Variants in RCAN2 observed in about 807,000 individuals in gnomAD.
The protein encoded by RCAN2 is regulator of calcineurin 2, also known as calcipressin-2.
Under a neutral mutation model 23.6 loss-of-function variants are expected in RCAN2, and 9 were observed. The observed-to-expected ratio is 0.38, with a 90% CI of 0.23 to 0.67. RCAN2 has a LOEUF of 0.67. Ranked by LOEUF, RCAN2 falls within the 30% of genes least tolerant of loss-of-function variation. The pLI is 0.51. For missense variants in RCAN2, 273 were observed against 302.3 expected (o/e 0.90, Z 0.72); for synonymous variants, 109 against 115.7 (o/e 0.94, Z 0.37).
intron 4 of RCAN2, among the ~76,000 whole-genome samples, chr6:46,243,793 G>C (rs184134329): frequency 8.8e-4 from 114 of 129,920 alleles, no homozygotes; most frequent in Non-Finnish European, 1.6e-3. Flanking sequence ...CTGGGTGACA[G>C]GGTAAGATTC....
chr6:46,246,889 G>A lies in RCAN2; in HGVS notation c.430C>T (p.Leu144=), dbSNP rs988977173. 5 of 1,597,154 alleles carry A rather than the reference G, an allele frequency of 3.1e-6. No individual in the cohort carries two copies. The highest frequency in any genetic ancestry group is 1.8e-4 in the Middle Eastern group (1 of 5,650). The change falls in exon 4 of 5, where the codon CTG becomes TTG. Residue 144 remains leucine, a synonymous_variant. Transcript: ENST00000371374. The part of the protein sequence containing the change: ...VQTPETDGDK[L]HLAPPQPAKQ... ...GCAGGCTGGGGTGGAGCCAAGTGCA[G>A]TTTGTCTCCATCTGTCTCTGGAGTC... is the stretch of plus-strand genomic sequence containing the variant.
At chr6:46,337,500 TA>T (rs760905159) in intron 2 of RCAN2, among the ~76,000 whole-genome samples, 1 of 152,262 alleles carries the variant, frequency 6.6e-6, no homozygotes, top group Non-Finnish European at 1.5e-5. Flanking sequence ...TAAAGGATTT[TA>T]AAGTGCAAAA....
chr6:46,340,652 TG>T (rs1294690231), intron 2 of RCAN2, among the ~76,000 whole-genome samples: 2 of 152,228 alleles, frequency 1.3e-5, no homozygotes, highest in African/African-American at 4.8e-5. Flanking sequence ...CACATTGTGA[TG>T]GGGTATTACA....
chr6:46,310,320 T>C (rs1464331816), intron 2 of RCAN2, among the ~76,000 whole-genome samples: 1 of 152,158 alleles, frequency 6.6e-6, no homozygotes, highest in African/African-American at 2.4e-5. Flanking sequence ...TATTATGTTG[T>C]GCTCATTCAG....
chr6:46,467,581 A>G (rs1768423160), intron 1 of RCAN2, among the ~76,000 whole-genome samples: 1 of 152,192 alleles, frequency 6.6e-6, no homozygotes, highest in Non-Finnish European at 1.5e-5. Context: ...CAGAAGGAGT[A>G]CAGTGGTTAA....
intron 2 of RCAN2, among the ~76,000 whole-genome samples, chr6:46,281,517 A>T (rs1767916875): frequency 6.6e-6 from 1 of 152,262 alleles, no homozygotes; most frequent in Non-Finnish European, 1.5e-5. Context: ...CTTTAAAACA[A>T]GTGAAAAGGG....
At chr6:46,315,376 G>A (rs1347825276) in intron 2 of RCAN2, among the ~76,000 whole-genome samples, 1 of 152,186 alleles carries the variant, frequency 6.6e-6, no homozygotes, top group African/African-American at 2.4e-5. Flanking sequence ...TGAAAGACAA[G>A]GCAGGATGAG....
At chr6:46,377,512 T>C (rs73453026) in intron 2 of RCAN2, among the ~76,000 whole-genome samples, 4,887 of 152,292 alleles carry the variant, frequency 0.032, 251 homozygotes, top group African/African-American at 0.11. Context: ...TTATTTATCA[T>C]TAACCAATTG....
At chr6:46,486,818 A>G (rs1233835444) in intron 1 of RCAN2, among the ~76,000 whole-genome samples, 1 of 152,200 alleles carries the variant, frequency 6.6e-6, no homozygotes, top group African/African-American at 2.4e-5. Flanking sequence ...TCTGAACTGC[A>G]GGGAGTTTGA....
intron 4 of RCAN2, among the ~76,000 whole-genome samples, chr6:46,241,866 G>A (rs1766317510): frequency 6.6e-6 from 1 of 152,060 alleles, no homozygotes; most frequent in African/African-American, 2.4e-5. Context: ...AACAGTGCCT[G>A]GCACATAGTA....
intron 2 of RCAN2, among the ~76,000 whole-genome samples, chr6:46,285,430 C>T (rs548075823): frequency 6.6e-6 from 1 of 152,120 alleles, no homozygotes; most frequent in Non-Finnish European, 1.5e-5. Context: ...GTAAGAATTA[C>T]CTGGAGAGCT....
intron 2 of RCAN2, among the ~76,000 whole-genome samples, chr6:46,293,883 T>C (rs1267724791): frequency 6.6e-6 from 1 of 152,192 alleles, no homozygotes. Context: ...TGGAGAATAG[T>C]AATTTGAGTA....
At chr6:46,235,707 AT>A in intron 4 of RCAN2, among the ~76,000 whole-genome samples, 1 of 152,190 alleles carries the variant, frequency 6.6e-6, no homozygotes, top group Non-Finnish European at 1.5e-5. Context: ...ATCATTTGTA[AT>A]CAGTCACCAA....
chr6:46,247,365 T>G (rs1280908193), intron 3 of RCAN2, among the ~76,000 whole-genome samples: 1 of 152,228 alleles, frequency 6.6e-6, no homozygotes, highest in Non-Finnish European at 1.5e-5. Context: ...AATTAACCAC[T>G]TGAAAGTGAA....
rs184138761 is a variant in RCAN2 at position 46,228,039 on chromosome 6, A to G, written c.572-4738T>C. On this transcript the variant is annotated intron_variant, in intron 4 of 4. Coordinates refer to ENST00000371374, the MANE Select transcript of RCAN2 (RefSeq NM_001251974.2). ...GCCTTCATTTCCTTATGTACCCAGTAATCATTCAGGAGCAGGTTGATCAGT... is the reference window on the plus strand; with the variant it reads ...GCCTTCATTTCCTTATGTACCCAGTGATCATTCAGGAGCAGGTTGATCAGT... 3.3e-5 allele frequency among the ~76,000 whole-genome samples: 5 copies of G among 152,296 alleles called. No individual in the cohort carries two copies. In the East Asian group the frequency reaches 9.6e-4, roughly 29 times the overall value.
chr6:46,280,505 A>C (rs535574089), intron 2 of RCAN2, among the ~76,000 whole-genome samples: 1 of 152,118 alleles, frequency 6.6e-6, no homozygotes, highest in African/African-American at 2.4e-5. Context: ...ACAAAAGCAC[A>C]CACAGCAAGG....
chr6:46,279,055 T>C (rs1767811130), intron 2 of RCAN2, among the ~76,000 whole-genome samples: 1 of 152,218 alleles, frequency 6.6e-6, no homozygotes, highest in African/African-American at 2.4e-5. Flanking sequence ...GATTCTAATA[T>C]GTAGCCAGGG....
chr6:46,398,341 C>A (rs1766151188), intron 2 of RCAN2, among the ~76,000 whole-genome samples: 1 of 152,062 alleles, frequency 6.6e-6, no homozygotes, highest in South Asian at 2.1e-4. Flanking sequence ...TATATTATAA[C>A]CAAGTTCCTC....
chr6:46,296,244 C>T (rs1762727462), intron 2 of RCAN2, among the ~76,000 whole-genome samples: 1 of 142,632 alleles, frequency 7.0e-6, no homozygotes, highest in Non-Finnish European at 1.5e-5. Flanking sequence ...ACATGTAGTC[C>T]AGAGAGATTG....
Sources: gnomAD v4.1 joint callset for allele counts (sites outside exome capture counted in the v4.1 genomes callset) on GRCh38, gnomAD v4.1.1 for gene constraint, MANE v1.5 for transcripts, NCBI Gene and HGNC (gene_info 2026-07-23, HGNC 2026-07-21) for gene names.